The following TMPRSS2 variants were observed in gnomAD, a reference collection of about 807,000 sequenced individuals.
TMPRSS2 encodes transmembrane serine protease 2, also known as transmembrane protease serine 2.
In TMPRSS2, 59 loss-of-function variants were observed where a neutral mutation model predicts 67.4. That is an observed-to-expected ratio of 0.88 (90% CI 0.71 to 1.09). TMPRSS2 has a LOEUF of 1.09. TMPRSS2 is among the 50% of genes least tolerant of loss of function. The pLI is 0.00. For missense variants in TMPRSS2, 668 were observed against 642.7 expected, an observed-to-expected ratio of 1.04 and a Z score of -0.43; for synonymous variants, 257 against 257.0, an observed-to-expected ratio of 1.00 and a Z score of 0.00.
At chr21:41,501,426 T>G (rs1011105864) in intron 1 of TMPRSS2, among the ~76,000 whole-genome samples, 1 of 151,948 alleles carries the variant, frequency 6.6e-6, no homozygotes, top group East Asian at 1.9e-4. Flanking sequence ...CTGGCCAACA[T>G]AGTGAAACCC....
intron 12 of TMPRSS2, 190 bp from the exon 13 acceptor site, chr21:41,468,076 C>G: frequency 1.6e-6 from 1 of 641,772 alleles, no homozygotes; most frequent in South Asian, 2.0e-5. Flanking sequence ...TAGCCCCCAT[C>G]CTGAATTTTA....
At chr21:41,504,646 T>TC (rs2091445353) in intron 1 of TMPRSS2, among the ~76,000 whole-genome samples, 1 of 152,070 alleles carries the variant, frequency 6.6e-6, no homozygotes, top group East Asian at 1.9e-4. Flanking sequence ...CTGTCACAGA[T>TC]CCCCCTTTTG....
rs147233451 is a variant in TMPRSS2 at position 41,470,657 on chromosome 21, C to T, written c.1162G>A (p.Glu388Lys). Residue 388 changes from glutamate to lysine, a missense_variant, in exon 11 of 14, where the codon GAG becomes AAG. Transcript: ENST00000332149. ...LCWISGWGAT[E>K]EKGKTSEVLN... The stretch of plus-strand genomic sequence containing the variant: ...CCAGGAGCAGCCTCACCTTTCTCCT[C>T]GGTGGCCCCCCACCCGGAAATCCAG... 13 of 1,613,328 alleles carry T rather than the reference C, an allele frequency of 8.1e-6. No individual in the cohort carries two copies. The highest frequency in any genetic ancestry group is 4.0e-5 in the African/African-American group (3 of 75,048).
chr21:41,494,822 G>A (rs1377573331), intron 2 of TMPRSS2: 1 of 515,832 alleles, frequency 1.9e-6, no homozygotes, highest in Non-Finnish European at 3.5e-6. Context: ...TGTAATCCCA[G>A]CACTTTGGGA....
In TMPRSS2 at chr21:41,465,006, G is replaced by A. The variant is rs1042879239; in HGVS notation, c.*1136C>T. The A allele has an allele frequency of 1.2e-4, 28 of 233,202 alleles. No homozygotes were observed. The highest frequency in any genetic ancestry group is 5.7e-4 in the African/African-American group (26 of 45,354). 14.4% of individuals were successfully genotyped at this position (233,202 alleles called of 1,614,324 possible). On this transcript the variant is annotated 3_prime_UTR_variant, in exon 14 of 14. Transcript: ENST00000332149. Reference sequence around the variant, plus strand: ...ACAGCATTGGAAGGGACCACAGAGAGTCCAAAACAAAACACATCTTTCTCT... The same window carrying A: ...ACAGCATTGGAAGGGACCACAGAGAATCCAAAACAAAACACATCTTTCTCT...
In TMPRSS2 at chr21:41,476,581, A is replaced by G. The variant is rs1258475505; in HGVS notation, c.723T>C (p.Cys241=). Residue 241 remains cysteine, a synonymous_variant, in exon 8 of 14, where the codon TGT becomes TGC. Coordinates refer to ENST00000332149, the MANE Select transcript of TMPRSS2 (RefSeq NM_005656.4). ...GGGGACTCCAGATGAACTTACCTATACAGCGTAAAGAAACCACTGCTTTTG... is the reference window on the plus strand; with the variant it reads ...GGGGACTCCAGATGAACTTACCTATGCAGCGTAAAGAAACCACTGCTTTTG... ...CSSKAVVSLR[C]IACGVNLNSS... The G allele has an allele frequency of 1.2e-6, 2 of 1,613,288 alleles. No homozygotes were observed. The highest frequency in any genetic ancestry group is 1.3e-5 in the African/African-American group (1 of 74,918).
At chr21:41,485,825 A>C (rs1601579574) in intron 5 of TMPRSS2, among the ~76,000 whole-genome samples, 1 of 152,214 alleles carries the variant, frequency 6.6e-6, no homozygotes, top group South Asian at 2.1e-4. Flanking sequence ...TCTGGGAAGC[A>C]AGACTGTGCT....
intron 3 of TMPRSS2, 66 bp from the exon 4 acceptor site, chr21:41,489,659 A>T: frequency 9.3e-7 from 1 of 1,080,426 alleles, no homozygotes; most frequent in Non-Finnish European, 1.4e-6. Flanking sequence ...CTCAAATGTT[A>T]TCTATTATTT....
intron 1 of TMPRSS2, among the ~76,000 whole-genome samples, chr21:41,501,588 GACAGAGAGAGACTCTGTCT>G (rs768490913): frequency 6.2e-5 from 8 of 129,826 alleles, no homozygotes; most frequent in Non-Finnish European, 1.2e-4. Flanking sequence ...CAGCCTGGGT[GACAGAGAGAGACTCTGTCT>G]CAAAAAAAAA....
At chr21:41,473,616 G>A in intron 8 of TMPRSS2, 120 bp from the exon 9 acceptor site, 1 of 1,159,278 alleles carries the variant, frequency 8.6e-7, no homozygotes, top group Non-Finnish European at 1.2e-6. Flanking sequence ...CACCACTGCT[G>A]GGGATGGACT....
intron 3 of TMPRSS2, among the ~76,000 whole-genome samples, chr21:41,490,879 A>C (rs967305209): frequency 1.3e-5 from 2 of 152,206 alleles, no homozygotes; most frequent in African/African-American, 4.8e-5. Context: ...AAGGCATTTG[A>C]ACAGACCCTC....
chr21:41,505,423 C>T (rs997391576), intron 1 of TMPRSS2, among the ~76,000 whole-genome samples: 16 of 152,182 alleles, frequency 1.1e-4, no homozygotes, highest in African/African-American at 3.6e-4. Context: ...ACAACACACT[C>T]GGATGATGAT....
chr21:41,479,418 G>T, intron 6 of TMPRSS2, 136 bp from the exon 7 acceptor site: 2 of 654,218 alleles, frequency 3.1e-6, no homozygotes, highest in Non-Finnish European at 2.6e-6. Context: ...AAAATCACAC[G>T]TTCTAACCAA....
At chr21:41,468,154 T>C in intron 12 of TMPRSS2, 1 of 617,766 alleles carries the variant, frequency 1.6e-6, no homozygotes, top group South Asian at 2.1e-5. Flanking sequence ...AATACTTGTT[T>C]CTGTTCCACT....
At position 41,480,491 on chromosome 21, in the gene TMPRSS2, C is replaced by T. The variant is rs915100646; in HGVS notation, c.557G>A (p.Arg186Lys). Residue 186 changes from arginine (R) to lysine (K), a missense_variant, in exon 6 of 14, where the codon AGG (arginine) becomes AAG (lysine). Physicochemically the swap from Arg to Lys is conservative, Grantham distance 26 (BLOSUM62 2). Coordinates refer to ENST00000332149, the MANE Select transcript of TMPRSS2 (RefSeq NM_005656.4). ...WNENYGRAAC[R>K]DMGYKNNFYS... ...CCATACTCACTTATAGCCCATGTCC[C>T]TGCAGGCCGCCCGCCCGTAGTTCTC... 1.9e-6 allele frequency: 3 copies of T among 1,613,650 alleles called. No individual in the cohort carries two copies. Among genetic ancestry groups the T allele is most frequent in the Non-Finnish European group, 2.5e-6 (3 of 1,180,024 alleles).
At chr21:41,496,286 T>G (rs2091381941) in intron 2 of TMPRSS2, among the ~76,000 whole-genome samples, 1 of 152,206 alleles carries the variant, frequency 6.6e-6, no homozygotes, top group Admixed American at 6.5e-5. Flanking sequence ...CTCTGTGTTA[T>G]CCTGCAAATA....
intron 5 of TMPRSS2, among the ~76,000 whole-genome samples, chr21:41,484,023 G>A (rs2091278093): frequency 6.6e-6 from 1 of 152,072 alleles, no homozygotes; most frequent in Non-Finnish European, 1.5e-5. Flanking sequence ...GGAGGCTGAG[G>A]GGGAAGGATG....
Position 41,467,716 on chromosome 21 carries a change from G to A in TMPRSS2, c.1467+18C>T. 2.5e-6 allele frequency: 4 copies of A among 1,613,160 alleles called. No homozygotes were observed. Among genetic ancestry groups the A allele is most frequent in the Admixed American group, 1.7e-5 (1 of 59,984 alleles). ...GAGGAATCGGAGAACACAGTCAGAA[G>A]GAGGACAGGATAGTTACCCTCATTT... is the stretch of plus-strand genomic sequence containing the variant. On this transcript the variant is annotated intron_variant, in intron 13 of 13. Transcript: ENST00000332149.
chr21:41,500,502 A>T (rs151248079), intron 1 of TMPRSS2, among the ~76,000 whole-genome samples: 73 of 152,366 alleles, frequency 4.8e-4, no homozygotes, highest in African/African-American at 1.6e-3. Context: ...TTGCTGAATC[A>T]TTAAACTATA....
Sources: allele counts gnomAD v4.1 joint callset (sites outside exome capture counted in the v4.1 genomes callset), GRCh38; gene constraint gnomAD v4.1.1; transcripts MANE v1.5; gene names NCBI Gene and HGNC (gene_info 2026-07-23, HGNC 2026-07-21).